The following PIK3CB variants were observed in gnomAD, a reference collection of about 807,000 sequenced individuals.
PIK3CB encodes phosphatidylinositol-4,5-bisphosphate 3-kinase catalytic subunit beta.
PIK3CB carries 39 observed loss-of-function variants against 136.8 expected under a neutral mutation model. That is an observed-to-expected ratio of 0.29 (90% confidence interval 0.22 to 0.37). The LOEUF is 0.37. Among genes scored for constraint, PIK3CB ranks in the 10% least tolerant of loss-of-function variants. The pLI is 1.00. For synonymous variants in PIK3CB, 428 were observed against 436.6 expected (o/e 0.98, Z 0.25); for missense variants, 868 against 1,275.4 (o/e 0.68, Z 4.87).
chr3:138,765,469 T>C (rs2045721367), intron 2 of PIK3CB, among the ~76,000 whole-genome samples: 1 of 152,146 alleles, frequency 6.6e-6, no homozygotes, highest in Non-Finnish European at 1.5e-5. Context: ...CCGCAAGTGA[T>C]ACCTTTATAT....
chr3:138,754,653 A>G (rs1476857768), intron 4 of PIK3CB, among the ~76,000 whole-genome samples: 1 of 152,204 alleles, frequency 6.6e-6, no homozygotes, highest in East Asian at 1.9e-4. Flanking sequence ...GTAATCAAAT[A>G]TTTTTAAATA....
chr3:138,811,927 A>G (rs1933083685), intron 1 of PIK3CB, among the ~76,000 whole-genome samples: 2 of 152,224 alleles, frequency 1.3e-5, no homozygotes, highest in Non-Finnish European at 2.9e-5. Context: ...TGTCTCTACA[A>G]AAATTTTAAA....
chr3:138,832,021 C>A (rs1934061135), intron 1 of PIK3CB, among the ~76,000 whole-genome samples: 1 of 152,234 alleles, frequency 6.6e-6, no homozygotes, highest in Non-Finnish European at 1.5e-5. Context: ...GAGGTGACTT[C>A]TGACTCCCAG....
chr3:138,695,931 ATT>A (rs34470924), intron 13 of PIK3CB, among the ~76,000 whole-genome samples: 165 of 90,810 alleles, frequency 1.8e-3, no homozygotes, highest in Admixed American at 6.9e-3. Flanking sequence ...AATTTTTTGT[ATT>A]TTTTTTTTTT....
intron 1 of PIK3CB, among the ~76,000 whole-genome samples, chr3:138,809,843 C>A (rs945455687): frequency 9.2e-5 from 14 of 152,062 alleles, no homozygotes; most frequent in Non-Finnish European, 1.8e-4. Context: ...GAAGCAGATA[C>A]CCCAGTAGTA....
chr3:138,788,154 C>T (rs1327033734), intron 2 of PIK3CB, among the ~76,000 whole-genome samples: 1 of 151,734 alleles, frequency 6.6e-6, no homozygotes, highest in Admixed American at 6.6e-5. Flanking sequence ...AACTCCTGAC[C>T]TCAGGTGGTC....
chr3:138,757,546 T>C (rs2045593372), intron 3 of PIK3CB, among the ~76,000 whole-genome samples: 1 of 141,650 alleles, frequency 7.1e-6, no homozygotes. Context: ...CAAGATCGTA[T>C]CTCTTAGACA....
intron 8 of PIK3CB, among the ~76,000 whole-genome samples, chr3:138,728,785 A>G (rs2044900532): frequency 6.6e-6 from 1 of 151,904 alleles, no homozygotes; most frequent in Non-Finnish European, 1.5e-5. Context: ...GTCTCAAAAA[A>G]AAAAAAAAGA....
chr3:138,677,660 G>C (rs895879127), intron 19 of PIK3CB, among the ~76,000 whole-genome samples: 3 of 152,172 alleles, frequency 2.0e-5, no homozygotes, highest in Non-Finnish European at 4.4e-5. Context: ...ACTTTGGGAG[G>C]CCAAGGCGGG....
At chr3:138,730,969 A>G (rs890110418) in intron 8 of PIK3CB, among the ~76,000 whole-genome samples, 17 of 152,126 alleles carry the variant, frequency 1.1e-4, no homozygotes, top group Admixed American at 5.2e-4. Context: ...AAAATCCTCA[A>G]GGAAGTCTAC....
At chr3:138,800,011 ACT>A (rs1440655110) in intron 1 of PIK3CB, among the ~76,000 whole-genome samples, 1 of 150,758 alleles carries the variant, frequency 6.6e-6, no homozygotes, top group Non-Finnish European at 1.5e-5. Flanking sequence ...TCATTCAACT[ACT>A]CTCTAGCCTT....
At chr3:138,741,544 T>C (rs1056582923) in intron 5 of PIK3CB, among the ~76,000 whole-genome samples, 3 of 152,106 alleles carry the variant, frequency 2.0e-5, no homozygotes, top group Non-Finnish European at 4.4e-5. Context: ...AAACAAAACA[T>C]CTGGCTGTGT....
chr3:138,700,329 C>T lies in PIK3CB; in HGVS notation c.1582-1234G>A, dbSNP rs188211043. On this transcript the variant is annotated intron_variant, in intron 12 of 23. Coordinates refer to ENST00000674063, the MANE Select transcript of PIK3CB (RefSeq NM_006219.3). ...ACTGAATATAAAAAATGAAACTCTC[C>T]GGAGAAATGCCTGATTCCAAGGCTG... Among the ~76,000 whole-genome samples, 30 of 152,148 alleles carry T rather than the reference C, an allele frequency of 2.0e-4. No homozygotes were observed. The East Asian group carries it at 3.3e-3, about 17-fold the overall frequency.
rs192839077 is a variant in PIK3CB at position 138,745,565 on chromosome 3, G to A, written c.398-2784C>T. ...GGAGAATCGCTTGAACCCAGGAGGC[G>A]GAGGTTGCAGTAAGCCAAGATCGCA... On this transcript the variant is annotated intron_variant, in intron 4 of 23. Coordinates refer to ENST00000674063, the MANE Select transcript of PIK3CB (RefSeq NM_006219.3). Among the ~76,000 whole-genome samples, 208 of 152,144 alleles carry A rather than the reference G, an allele frequency of 1.4e-3. 3 individuals are homozygous for A. In the South Asian group the frequency reaches 0.031, roughly 23 times the overall value.
At chr3:138,742,912 C>A in intron 4 of PIK3CB, 131 bp from the exon 5 acceptor site, 1 of 535,316 alleles carries the variant, frequency 1.9e-6, no homozygotes, top group Non-Finnish European at 3.3e-6. Context: ...GCAGATGAAA[C>A]TAGGGAGGAA....
At position 138,707,236 on chromosome 3, in the gene PIK3CB, T is replaced by C. The variant is rs2044397515; in HGVS notation, c.1453A>G (p.Thr485Ala). The C allele has an allele frequency of 6.2e-7, 1 of 1,612,814 alleles. No homozygotes were observed. Among genetic ancestry groups the C allele is most frequent in the African/African-American group, 1.3e-5 (1 of 74,910 alleles). The change falls in exon 11 of 24, where the codon ACT (threonine) becomes GCT (alanine). Residue 485 changes from threonine (T) to alanine (A), a missense_variant. Thr to Ala is a moderately conservative substitution (Grantham distance 58). Coordinates refer to ENST00000674063, the MANE Select transcript of PIK3CB (RefSeq NM_006219.3). ...ACATGCAAAGCTGTTGCATTTTCAG[T>C]ATATGGATTTGTTTGAACAGTTCCC... Reference protein sequence around the residue: ...PMGTVQTNPYTENATALHVKF... With the variant: ...PMGTVQTNPYAENATALHVKF...
intron 2 of PIK3CB, among the ~76,000 whole-genome samples, chr3:138,786,482 T>C (rs1576413031): frequency 1.3e-5 from 2 of 151,940 alleles, no homozygotes; most frequent in East Asian, 3.9e-4. Context: ...GTAGCTGGGA[T>C]TACAGGCACG....
At chr3:138,698,868 A>G (rs751857284) in intron 13 of PIK3CB, 39 bp downstream of exon 13, 4 of 1,359,018 alleles carry the variant, frequency 2.9e-6, no homozygotes, top group Non-Finnish European at 4.1e-6. Flanking sequence ...ACCAAGTACC[A>G]TACACCCAAA....
chr3:138,805,137 CCAGCCTGGCCAACGTGACAAAACCG>C, intron 1 of PIK3CB, among the ~76,000 whole-genome samples: 1 of 151,666 alleles, frequency 6.6e-6, no homozygotes, highest in Non-Finnish European at 1.5e-5. Flanking sequence ...GAGTTCGAGA[CCAGCCTGGCCAACGTGACAAAACCG>C]TCTCTGCTTA....
Sources: allele counts gnomAD v4.1 joint callset (sites outside exome capture counted in the v4.1 genomes callset), GRCh38; gene constraint gnomAD v4.1.1; transcripts MANE v1.5; gene names NCBI Gene and HGNC (gene_info 2026-07-23, HGNC 2026-07-21).